Variants in DAB2IP observed in about 807,000 individuals in gnomAD.
DAB2IP encodes disabled homolog 2-interacting protein.
In DAB2IP, 28 loss-of-function variants were observed where a neutral mutation model predicts 107.2. The observed-to-expected ratio is 0.26, with a 90% CI of 0.19 to 0.36. The LOEUF is 0.36. Ranked by LOEUF, DAB2IP falls within the 10% of genes least tolerant of loss-of-function variation. The pLI, the probability that DAB2IP is intolerant of heterozygous loss-of-function variation, is 1.00. For synonymous variants in DAB2IP, 755 were observed against 706.4 expected (o/e 1.07, Z -1.09); for missense variants, 1,400 against 1,644.7 (o/e 0.85, Z 2.57).
chr9:121,628,405 T>G (rs1250302249), intron 1 of DAB2IP, among the ~76,000 whole-genome samples: 1 of 152,246 alleles, frequency 6.6e-6, no homozygotes, highest in Non-Finnish European at 1.5e-5. Context: ...CCCATTTATC[T>G]TCTAGCGAGA....
At chr9:121,744,301 T>C (rs1337909009) in intron 3 of DAB2IP, among the ~76,000 whole-genome samples, 1 of 152,210 alleles carries the variant, frequency 6.6e-6, no homozygotes, top group Non-Finnish European at 1.5e-5. Context: ...GAAGACTGTG[T>C]CTGGGCCAGG....
At position 121,760,169 on chromosome 9, in the gene DAB2IP, G is replaced by A. The variant is rs202119015; in HGVS notation, c.900G>A (p.Ser300=). Reference sequence around the variant, plus strand: ...GCCTGGTGAGCCTACCTGCTGCCTCGGTGGCCGGGCGGCAGTTCGTGGAGA... The same window carrying A: ...GCCTGGTGAGCCTACCTGCTGCCTCAGTGGCCGGGCGGCAGTTCGTGGAGA... Residue 300 remains serine, a synonymous_variant, in exon 6 of 16, where the codon TCG becomes TCA. Transcript: ENST00000408936. This position sits in a 1 kb window ranked among gnomAD's most constrained non-coding sequence, Gnocchi z 5.9. 3.9e-5 allele frequency: 63 copies of A among 1,613,666 alleles called. No individual in the cohort carries two copies. Among genetic ancestry groups the A allele is most frequent in the Admixed American group, 5.0e-5 (3 of 60,008 alleles).
At chr9:121,785,041 G>T (rs1041679869) in exon 16 of DAB2IP, 4 of 152,562 alleles carry the variant, frequency 2.6e-5, no homozygotes, top group African/African-American at 7.3e-5. Context: ...AGAAAGCCAC[G>T]CCCTCCCTGC....
chr9:121,612,330 A>G (rs1330625426), intron 1 of DAB2IP, among the ~76,000 whole-genome samples: 3 of 152,112 alleles, frequency 2.0e-5, no homozygotes, highest in Non-Finnish European at 4.4e-5. Context: ...CTGCCTCAAA[A>G]AAAAATTATT....
At chr9:121,745,630 T>TGGGGC (rs1266977194) in intron 3 of DAB2IP, among the ~76,000 whole-genome samples, 4 of 10,268 alleles carry the variant, frequency 3.9e-4, no homozygotes, top group Non-Finnish European at 7.9e-4. Flanking sequence ...TGCCCAGGAT[T>TGGGGC]GGGGCGGGGC....
intron 1 of DAB2IP, among the ~76,000 whole-genome samples, chr9:121,569,310 A>G (rs1190021596): frequency 6.6e-6 from 1 of 152,196 alleles, no homozygotes; most frequent in African/African-American, 2.4e-5. Context: ...AAACTTTGTG[A>G]CTTTCCTAGG....
chr9:121,774,259 G>A lies in DAB2IP; in HGVS notation c.2968-1G>A. 2 of 1,607,444 alleles carry A rather than the reference G, an allele frequency of 1.2e-6. No homozygotes were observed. The highest frequency in any genetic ancestry group is 1.7e-6 in the Non-Finnish European group (2 of 1,177,084). ...CCCCTCACAGCTGTGTTTCATTGTA[G>A]GGCCCTTCACCTGTGAGCCCCAATG... On this transcript the variant is annotated splice_acceptor_variant, in intron 12 of 15. Coordinates refer to ENST00000408936, the Ensembl canonical transcript of DAB2IP. LOFTEE classifies it high-confidence loss of function.
At chr9:121,667,584 A>G (rs1462256047) in intron 1 of DAB2IP, among the ~76,000 whole-genome samples, 1 of 151,020 alleles carries the variant, frequency 6.6e-6, no homozygotes, top group Admixed American at 6.6e-5. Flanking sequence ...TCTGCCTGCC[A>G]GGTTCAAATG....
Position 121,699,153 on chromosome 9 carries a change from C to T in DAB2IP, c.229-172C>T, listed in dbSNP as rs1300784551. Among the ~76,000 whole-genome samples, 3 of 144,992 alleles carry T rather than the reference C, an allele frequency of 2.1e-5. No homozygotes were observed. The highest frequency in any genetic ancestry group is 2.1e-4 in the South Asian group (1 of 4,790). On this transcript the variant is annotated intron_variant, in intron 2 of 15. Transcript: ENST00000408936. The surrounding 1 kb of genome is among the most constrained non-coding windows in gnomAD (Gnocchi z 6.2). ...CGCTGCGCGGGCCGGGCCGTCGGCG[C>T]TCGGTCGGCGGGCGGGCGGCGCGGG... is the stretch of plus-strand genomic sequence containing the variant.
In DAB2IP at chr9:121,773,435, G is replaced by A. The variant is rs376759925; in HGVS notation, c.2907G>A (p.Gln969=). ...TGGGCCCCAGTACCCGCCTGAGGCA[G>A]CAGTCCTCTTCCTCCAAGGGGGACA... Residue 969 remains glutamine (Q), a synonymous_variant, in exon 12 of 16, where the codon CAG becomes CAA. Coordinates refer to ENST00000408936, the Ensembl canonical transcript of DAB2IP. 10 of 1,551,348 alleles carry A rather than the reference G, an allele frequency of 6.4e-6. No individual in the cohort carries two copies. In the African/African-American group the frequency reaches 9.6e-5, roughly 15 times the overall value.
At chr9:121,750,318 T>A (rs1833017520) in intron 3 of DAB2IP, among the ~76,000 whole-genome samples, 1 of 151,968 alleles carries the variant, frequency 6.6e-6, no homozygotes. Flanking sequence ...CATTCACTTG[T>A]GTGCGCGCGC....
intron 1 of DAB2IP, among the ~76,000 whole-genome samples, chr9:121,608,913 G>A (rs531269988): frequency 2.0e-5 from 3 of 152,182 alleles, no homozygotes; most frequent in African/African-American, 4.8e-5. Flanking sequence ...TAGGTTTCTC[G>A]GCTTTTTCTA....
At chr9:121,696,494 G>T (rs925867044) in intron 2 of DAB2IP, among the ~76,000 whole-genome samples, 1 of 152,226 alleles carries the variant, frequency 6.6e-6, no homozygotes, top group Non-Finnish European at 1.5e-5. Context: ...TCAAGTCCCA[G>T]GAGCTGCCTC....
chr9:121,746,139 C>T (rs946627708), intron 3 of DAB2IP, among the ~76,000 whole-genome samples: 1 of 151,982 alleles, frequency 6.6e-6, no homozygotes, highest in Non-Finnish European at 1.5e-5. Flanking sequence ...TTGGAAATGT[C>T]CTGGGCCCAG....
chr9:121,668,812 A>G (rs1217234210), intron 1 of DAB2IP, among the ~76,000 whole-genome samples: 2 of 151,446 alleles, frequency 1.3e-5, no homozygotes, highest in Non-Finnish European at 1.5e-5. Flanking sequence ...ATATTTTTCT[A>G]TGTAAGTGCA....
chr9:121,783,048 C>T, exon 16 of DAB2IP: 1 of 1,032,816 alleles, frequency 9.7e-7, no homozygotes, highest in Non-Finnish European at 1.2e-6. Flanking sequence ...GTGTCCCCTG[C>T]CTGTCTCCAT....
intron 3 of DAB2IP, among the ~76,000 whole-genome samples, chr9:121,703,427 G>A (rs1296110139): frequency 6.6e-6 from 1 of 152,146 alleles, no homozygotes; most frequent in African/African-American, 2.4e-5. Flanking sequence ...GTGTGGTGAT[G>A]TCAAGATGAT....
intron 1 of DAB2IP, among the ~76,000 whole-genome samples, chr9:121,674,130 A>C (rs1462550510): frequency 6.6e-6 from 1 of 152,174 alleles, no homozygotes; most frequent in African/African-American, 2.4e-5. Flanking sequence ...TGGGAGGCAA[A>C]GGTCCAGAAG....
At chr9:121,763,963 CTGCCTGGCCCCTGAGTTGTACTGACT>C in intron 8 of DAB2IP, 84 bp downstream of exon 8, 1 of 1,557,258 alleles carries the variant, frequency 6.4e-7, no homozygotes, top group Non-Finnish European at 8.7e-7. Flanking sequence ...GTGCCTGATG[CTGCCTGGCCCCTGAGTTGTACTGACT>C]TGCCAGTCCC....
Sources: gnomAD v4.1 joint callset for allele counts (sites outside exome capture counted in the v4.1 genomes callset) on GRCh38, gnomAD v4.1.1 for gene constraint, Gnocchi (gnomAD v3.1) non-coding constraint, MANE v1.5 for transcripts, NCBI Gene and HGNC (gene_info 2026-07-23, HGNC 2026-07-21) for gene names.